Variants in IL16 observed in about 807,000 individuals in gnomAD.
IL16 encodes the protein interleukin 16, also known as pro-interleukin-16.
Under a neutral mutation model 110.1 loss-of-function variants are expected in IL16, and 67 were observed. The ratio of observed to expected loss-of-function variants is 0.61; its 90% CI spans 0.50 to 0.75. The LOEUF is 0.75. Among genes scored for constraint, IL16 ranks in the 30% least tolerant of loss-of-function variants. IL16 has a pLI of 0.00. For missense variants in IL16, 1,545 were observed against 1,655.0 expected (o/e 0.93, Z 1.15); for synonymous variants, 689 against 662.9 (o/e 1.04, Z -0.61).
At chr15:81,271,379 G>A (rs1414638181) in intron 5 of IL16, among the ~76,000 whole-genome samples, 2 of 152,146 alleles carry the variant, frequency 1.3e-5, no homozygotes, top group Non-Finnish European at 2.9e-5. Context: ...AGGCTGAGGT[G>A]GGAGGATTGC....
chr15:81,300,207 A>G lies in IL16; in HGVS notation c.2881A>G (p.Ser961Gly), dbSNP rs144499024. ...ESQGPVLKMP[S>G]QRARSFPLTR... ...TCAAGGCCCAGTGCTCAAGATGCCT[A>G]GCCAGCGAGCACGGAGCTTCCCCCT... is the stretch of plus-strand genomic sequence containing the variant. The change falls in exon 14 of 19, where the codon AGC (serine) becomes GGC (glycine). Residue 961 changes from serine to glycine, a missense_variant. By Grantham distance (56) the Ser-to-Gly change is moderately conservative. This residue lies in a region of IL16 where 1,185 missense variants were observed against 1,238.8 expected (regional missense o/e 0.96). Transcript: ENST00000683961. 161 of 1,614,240 alleles carry G rather than the reference A, an allele frequency of 1.0e-4. No individual in the cohort carries two copies. In the African/African-American group the frequency reaches 1.9e-3, roughly 19 times the overall value.
intron 4 of IL16, among the ~76,000 whole-genome samples, 167 bp downstream of exon 4, chr15:81,265,968 G>T (rs535227695): frequency 1.6e-3 from 250 of 152,050 alleles, no homozygotes; most frequent in African/African-American, 6.0e-3. Context: ...CCATCTCTGG[G>T]CTGAGAACCG....
At position 81,300,278 on chromosome 15, in the gene IL16, C is replaced by A. The variant is rs763891503; in HGVS notation, c.2952C>A (p.Thr984=). ...AGACGAAGCTACTTGACGAAAAGAC[C>A]AGCAAACTCTATTCTATCAGCAGCC... The part of the protein sequence containing the change: ...SCETKLLDEK[T]SKLYSISSQV... Residue 984 remains threonine, a synonymous_variant, in exon 14 of 19, where the codon ACC becomes ACA. Transcript: ENST00000683961. 4 of 1,614,096 alleles carry A rather than the reference C, an allele frequency of 2.5e-6. No individual in the cohort carries two copies. In the South Asian group the frequency reaches 4.4e-5, roughly 18 times the overall value.
rs1467900593 is a variant in IL16, at chr15:81,296,997, G to A, written c.1972G>A (p.Ala658Thr). The part of the protein sequence containing the change: ...DTAGRSPSAS[A>T]GCPGPGIGPQ... Reference sequence around the variant, plus strand: ...AGCAGGGAGAAGCCCTAGTGCCTCTGCCGGCTGCCCAGGACCTGGTATCGG... The same window carrying A: ...AGCAGGGAGAAGCCCTAGTGCCTCTACCGGCTGCCCAGGACCTGGTATCGG... Residue 658 changes from alanine (A) to threonine (T), a missense_variant, in exon 13 of 19, where the codon GCC (alanine) becomes ACC (threonine). Coordinates refer to ENST00000683961, the MANE Select transcript of IL16 (RefSeq NM_172217.5). 1.9e-6 allele frequency: 3 copies of A among 1,613,948 alleles called. No homozygotes were observed. Among genetic ancestry groups the A allele is most frequent in the Non-Finnish European group, 2.5e-6 (3 of 1,179,980 alleles).
At position 81,265,682 on chromosome 15, in the gene IL16, G is replaced by T; in HGVS notation, c.445G>T (p.Glu149Ter). Residue 149 changes from glutamate (E) to a stop codon, truncating the protein, a stop_gained, in exon 4 of 19, where the codon GAA becomes TAA. Coordinates refer to ENST00000683961, the MANE Select transcript of IL16 (RefSeq NM_172217.5). LOFTEE classifies it high-confidence loss of function. ...AGGTGTTAATCCCTATTGCACAAGA[G>T]AAATTGATTTTCCAATGACCAAGAA... is the stretch of plus-strand genomic sequence containing the variant. ...STSVNPYCTR[E>*]IDFPMTKKSA... 1 of 1,614,046 alleles carries T rather than the reference G, an allele frequency of 6.2e-7. No homozygotes were observed. Among genetic ancestry groups the T allele is most frequent in the Non-Finnish European group, 8.5e-7 (1 of 1,179,954 alleles).
chr15:81,209,512 C>G (rs866636082), intron 1 of IL16, among the ~76,000 whole-genome samples: 4 of 152,064 alleles, frequency 2.6e-5, no homozygotes, highest in Non-Finnish European at 4.4e-5. Flanking sequence ...TTGTCCAGTT[C>G]AGAACCTGAG....
intron 8 of IL16, among the ~76,000 whole-genome samples, chr15:81,280,806 G>A (rs1899138373): frequency 6.6e-6 from 1 of 152,230 alleles, no homozygotes; most frequent in Non-Finnish European, 1.5e-5. Context: ...AAGGACTAGG[G>A]GCAGACAAGT....
intron 2 of IL16, among the ~76,000 whole-genome samples, chr15:81,258,656 C>T (rs11630877): frequency 9.2e-5 from 14 of 151,994 alleles, no homozygotes; most frequent in African/African-American, 3.4e-4. Context: ...GCCGAGATCA[C>T]ACCACTGTAC....
intron 1 of IL16, among the ~76,000 whole-genome samples, chr15:81,221,256 G>A (rs1428885544): frequency 6.6e-6 from 1 of 152,122 alleles, no homozygotes; most frequent in African/African-American, 2.4e-5. Context: ...GCTTAGCCAT[G>A]TTAGAAACCT....
chr15:81,245,869 T>G lies in IL16; in HGVS notation c.313-13903T>G, dbSNP rs74810749. 9.4e-3 allele frequency among the ~76,000 whole-genome samples: 1,437 copies of G among 152,088 alleles called. 9 individuals carry two copies. The highest frequency in any genetic ancestry group is 0.02 in the Middle Eastern group (6 of 294). On this transcript the variant is annotated intron_variant, in intron 2 of 18. Transcript: ENST00000683961. The stretch of plus-strand genomic sequence containing the variant: ...TACCAAGGTTCCTATCTGATCTGTC[T>G]TCTTGCTACCTTTCAGAGTCTTCTT...
chr15:81,296,010 G>A (rs1203467136), intron 12 of IL16, among the ~76,000 whole-genome samples: 4 of 152,186 alleles, frequency 2.6e-5, no homozygotes, highest in African/African-American at 9.7e-5. Context: ...TCAAATACAG[G>A]TGGCATCATT....
chr15:81,197,218 C>A, intron 1 of IL16, 66 bp downstream of exon 1: 1 of 1,103,660 alleles, frequency 9.1e-7, no homozygotes, highest in Middle Eastern at 2.3e-4. Context: ...GGAAGCTGGC[C>A]TCTCTGACCT....
chr15:81,263,295 T>C (rs1430258953), intron 3 of IL16, among the ~76,000 whole-genome samples: 1 of 152,060 alleles, frequency 6.6e-6, no homozygotes, highest in Non-Finnish European at 1.5e-5. Flanking sequence ...AGCTCTAATA[T>C]AGCTTTTTTG....
chr15:81,189,235 TG>T (rs1895463130), intron 1 of IL16, among the ~76,000 whole-genome samples: 1 of 151,908 alleles, frequency 6.6e-6, no homozygotes, highest in South Asian at 2.1e-4. Context: ...GCGATTCTTT[TG>T]CCTCAGCCTC....
chr15:81,226,046 A>G (rs941972353), intron 2 of IL16, among the ~76,000 whole-genome samples: 12 of 152,206 alleles, frequency 7.9e-5, no homozygotes, highest in Non-Finnish European at 1.2e-4. Context: ...AGCATACCAT[A>G]GGCAGGCCAA....
chr15:81,304,742 G>A (rs1596058258), intron 16 of IL16, among the ~76,000 whole-genome samples: 1 of 152,208 alleles, frequency 6.6e-6, no homozygotes, highest in African/African-American at 2.4e-5. Context: ...TGAGGAACCT[G>A]AGGCTCAGAG....
At chr15:81,207,181 T>G (rs1348800624) in intron 1 of IL16, among the ~76,000 whole-genome samples, 3 of 143,802 alleles carry the variant, frequency 2.1e-5, no homozygotes, top group Admixed American at 1.5e-4. Flanking sequence ...GAGCTTGCAG[T>G]GAGCTGAGAT....
intron 1 of IL16, among the ~76,000 whole-genome samples, chr15:81,205,568 G>A (rs1895986338): frequency 6.6e-6 from 1 of 151,992 alleles, no homozygotes; most frequent in African/African-American, 2.4e-5. Flanking sequence ...TGAATAAGTT[G>A]ACTGGAAAAC....
chr15:81,284,113 T>C (rs1183949258), intron 9 of IL16, among the ~76,000 whole-genome samples: 1 of 152,100 alleles, frequency 6.6e-6, no homozygotes, highest in African/African-American at 2.4e-5. Context: ...TTTTTATAAA[T>C]AATTTCTAAG....
Sources: gnomAD v4.1 joint callset for allele counts (sites outside exome capture counted in the v4.1 genomes callset) on GRCh38, gnomAD v4.1.1 for gene constraint, gnomAD v4.1.1 regional missense constraint, MANE v1.5 for transcripts, NCBI Gene and HGNC (gene_info 2026-07-23, HGNC 2026-07-21) for gene names.